The following TAF3 variants were observed in gnomAD, a reference collection of about 807,000 sequenced individuals.
The protein encoded by TAF3 is TATA-box binding protein associated factor 3, also known as transcription initiation factor TFIID subunit 3.
Under a neutral mutation model 80.6 loss-of-function variants are expected in TAF3, and 7 were observed. The observed-to-expected ratio is 0.09, with a 90% CI of 0.05 to 0.16. TAF3 has a LOEUF of 0.16. TAF3 is among the 10% of genes least tolerant of loss of function. TAF3 has a pLI of 1.00. For missense variants in TAF3, 921 were observed against 1,140.2 expected (o/e 0.81, Z 2.77); for synonymous variants, 444 against 446.1 (o/e 1.00, Z 0.06).
intron 2 of TAF3, among the ~76,000 whole-genome samples, chr10:7,920,422 C>A (rs1332595767): frequency 1.3e-5 from 2 of 151,378 alleles, no homozygotes; most frequent in Non-Finnish European, 2.9e-5. Flanking sequence ...TGATTTCAAT[C>A]TCGTTCCTGA....
At chr10:7,871,607 C>T (rs780398195) in intron 2 of TAF3, among the ~76,000 whole-genome samples, 13 of 151,808 alleles carry the variant, frequency 8.6e-5, no homozygotes, top group Non-Finnish European at 1.5e-4. Flanking sequence ...CCATGCCTGG[C>T]TAATTTTTGT....
At chr10:7,941,584 G>A (rs1588559998) in intron 2 of TAF3, among the ~76,000 whole-genome samples, 2 of 152,208 alleles carry the variant, frequency 1.3e-5, no homozygotes, top group Admixed American at 6.5e-5. Context: ...CCTCTGCTTC[G>A]CCACTGCCTC....
chr10:7,958,579 A>G (rs1465725666), intron 2 of TAF3, among the ~76,000 whole-genome samples: 1 of 152,186 alleles, frequency 6.6e-6, no homozygotes, highest in Non-Finnish European at 1.5e-5. Context: ...TACAAAGGAA[A>G]CAGATTGAAG....
chr10:8,007,695 A>C (rs1164719719), intron 4 of TAF3, among the ~76,000 whole-genome samples: 2 of 149,650 alleles, frequency 1.3e-5, no homozygotes, highest in Non-Finnish European at 1.5e-5. Context: ...GTTTACTCAA[A>C]TTCCTTTCTC....
chr10:7,927,029 A>T (rs181529469), intron 2 of TAF3, among the ~76,000 whole-genome samples: 41 of 152,318 alleles, frequency 2.7e-4, no homozygotes, highest in Non-Finnish European at 5.3e-4. Context: ...GGATGAACAC[A>T]GAAAACGATA....
intron 2 of TAF3, among the ~76,000 whole-genome samples, chr10:7,906,741 A>G (rs1186766219): frequency 1.3e-5 from 2 of 151,524 alleles, no homozygotes; most frequent in Admixed American, 6.6e-5. Context: ...TTGAAATTCT[A>G]CCAATAGGCA....
chr10:7,931,654 A>G (rs1031327669), intron 2 of TAF3, among the ~76,000 whole-genome samples: 2 of 152,238 alleles, frequency 1.3e-5, no homozygotes, highest in Non-Finnish European at 2.9e-5. Context: ...TTAGATAAAA[A>G]GCCCATGTTA....
intron 2 of TAF3, among the ~76,000 whole-genome samples, chr10:7,858,834 G>A (rs566816872): frequency 5.4e-4 from 81 of 149,700 alleles, no homozygotes; most frequent in Non-Finnish European, 7.5e-4. Flanking sequence ...GTGTGCGCGC[G>A]CCTGCATGTC....
intron 2 of TAF3, among the ~76,000 whole-genome samples, chr10:7,933,552 T>C (rs1480447537): frequency 6.6e-6 from 1 of 152,184 alleles, no homozygotes; most frequent in Non-Finnish European, 1.5e-5. Context: ...TGTCTCTCCT[T>C]CTCATCCTGT....
intron 2 of TAF3, among the ~76,000 whole-genome samples, chr10:7,888,756 G>T (rs574579032): frequency 6.6e-6 from 1 of 152,224 alleles, no homozygotes; most frequent in African/African-American, 2.4e-5. Context: ...CAGAGCTTTC[G>T]CATCTGTTCC....
At position 8,012,501 on chromosome 10, in the gene TAF3, G is replaced by A. The variant is rs115522160; in HGVS notation, c.2569-1230G>A. Among the ~76,000 whole-genome samples, 723 of 152,300 alleles carry A rather than the reference G, an allele frequency of 4.7e-3. 5 individuals are homozygous for A. The highest frequency in any genetic ancestry group is 0.016 in the African/African-American group (678 of 41,558). On this transcript the variant is annotated intron_variant, in intron 5 of 6. Transcript: ENST00000344293. Reference sequence around the variant, plus strand: ...GTTCTTGTGCGGCACACAGAGTCACGGCCTTCTGACTTCAAGCAAGGTCAG... The same window carrying A: ...GTTCTTGTGCGGCACACAGAGTCACAGCCTTCTGACTTCAAGCAAGGTCAG...
At chr10:7,829,601 A>G (rs535095867) in intron 2 of TAF3, among the ~76,000 whole-genome samples, 1 of 152,306 alleles carries the variant, frequency 6.6e-6, no homozygotes, top group Non-Finnish European at 1.5e-5. Flanking sequence ...TTGGGGAGAA[A>G]GACCACAGAG....
chr10:7,977,395 T>G (rs913474388), intron 4 of TAF3, 72 bp downstream of exon 4: 47 of 1,444,820 alleles, frequency 3.3e-5, no homozygotes, highest in Non-Finnish European at 4.3e-5. Context: ...CTAAGGGACT[T>G]AGAATTCCAC....
chr10:7,884,456 G>A (rs1837390099), intron 2 of TAF3, among the ~76,000 whole-genome samples: 4 of 147,138 alleles, frequency 2.7e-5, no homozygotes, highest in African/African-American at 2.5e-5. Flanking sequence ...GTGCCATCTC[G>A]GCTCACTGCA....
intron 4 of TAF3, among the ~76,000 whole-genome samples, chr10:7,990,489 G>A (rs573272677): frequency 6.6e-6 from 1 of 152,154 alleles, no homozygotes; most frequent in African/African-American, 2.4e-5. Flanking sequence ...TTGAATGACC[G>A]CTACATCTTT....
chr10:7,859,430 C>G (rs1227405396), intron 2 of TAF3, among the ~76,000 whole-genome samples: 1 of 152,158 alleles, frequency 6.6e-6, no homozygotes, highest in Admixed American at 6.5e-5. Flanking sequence ...TGACATGGGC[C>G]TTTTCTTCAG....
At chr10:7,961,710 G>A (rs749422300) in intron 2 of TAF3, among the ~76,000 whole-genome samples, 9 of 152,220 alleles carry the variant, frequency 5.9e-5, no homozygotes, top group Middle Eastern at 3.4e-3. Flanking sequence ...TTCAGCTGCC[G>A]AGTAGGCATT....
chr10:7,846,239 G>A (rs751334269), intron 2 of TAF3, among the ~76,000 whole-genome samples: 1 of 152,190 alleles, frequency 6.6e-6, no homozygotes, highest in Admixed American at 6.5e-5. Context: ...TTACAGGCAT[G>A]AGCCACTGCG....
chr10:7,995,705 A>C (rs553214720), intron 4 of TAF3, among the ~76,000 whole-genome samples: 1 of 152,324 alleles, frequency 6.6e-6, no homozygotes, highest in Non-Finnish European at 1.5e-5. Context: ...AATGTTTGCT[A>C]CTTGATATGT....
Sources: gnomAD v4.1 joint callset for allele counts (sites outside exome capture counted in the v4.1 genomes callset) on GRCh38, gnomAD v4.1.1 for gene constraint, MANE v1.5 for transcripts, NCBI Gene and HGNC (gene_info 2026-07-23, HGNC 2026-07-21) for gene names.